FXYD6: variants seen among roughly 807,000 people sequenced by gnomAD.
The protein encoded by FXYD6 is FXYD domain containing ion transport regulator 6.
In FXYD6, 7 loss-of-function variants were observed where a neutral mutation model predicts 16.7. The observed-to-expected ratio is 0.42, with a 90% CI of 0.24 to 0.79. FXYD6 has a LOEUF of 0.79. Ranked by LOEUF, FXYD6 falls within the 30% of genes least tolerant of loss-of-function variation. The probability of loss-of-function intolerance (pLI) is 0.28; values close to 1 mark genes in which losing one functional copy is unlikely to be tolerated. For missense variants in FXYD6, 111 were observed against 116.2 expected, an observed-to-expected ratio of 0.95 and a Z score of 0.21; for synonymous variants, 49 against 43.0, an observed-to-expected ratio of 1.14 and a Z score of -0.54.
At chr11:117,860,655 G>T (rs1262534728) in intron 1 of FXYD6, among the ~76,000 whole-genome samples, 6 of 152,218 alleles carry the variant, frequency 3.9e-5, no homozygotes, top group Admixed American at 3.3e-4. Context: ...CGCAGAATCA[G>T]TGCAGAATCT....
intron 1 of FXYD6, among the ~76,000 whole-genome samples, chr11:117,854,970 C>A (rs541323437): frequency 1.3e-5 from 2 of 152,212 alleles, no homozygotes; most frequent in Non-Finnish European, 1.5e-5. Context: ...CAACAGGAGA[C>A]GGCCTTCATC....
At chr11:117,876,243 C>G (rs1364452494) in intron 1 of FXYD6, among the ~76,000 whole-genome samples, 1 of 152,174 alleles carries the variant, frequency 6.6e-6, no homozygotes, top group Non-Finnish European at 1.5e-5. Context: ...GGGAAAACTC[C>G]TCATGGATAA....
intron 1 of FXYD6, among the ~76,000 whole-genome samples, chr11:117,863,623 C>A (rs1287113647): frequency 6.6e-6 from 1 of 152,072 alleles, no homozygotes; most frequent in Non-Finnish European, 1.5e-5. Context: ...AGCAACTATG[C>A]AAAATAAACA....
At chr11:117,871,296 G>T (rs963844371) in intron 1 of FXYD6, among the ~76,000 whole-genome samples, 2 of 152,170 alleles carry the variant, frequency 1.3e-5, no homozygotes, top group African/African-American at 4.8e-5. Flanking sequence ...GAGACAGCCG[G>T]GAAGGGCGAC....
At chr11:117,871,229 C>T (rs193108928) in intron 1 of FXYD6, among the ~76,000 whole-genome samples, 7 of 152,134 alleles carry the variant, frequency 4.6e-5, no homozygotes, top group South Asian at 2.1e-4. Context: ...ACTGAGGTGA[C>T]GCACGGTAAT....
rs2056329169 is a variant in FXYD6, at chr11:117,841,079, ACACACCAGGGG to A, written c.209+58_209+68del. 1.3e-5 allele frequency: 20 copies of A among 1,593,994 alleles called. No homozygotes were observed. In the South Asian group the frequency reaches 1.9e-4, roughly 15 times the overall value. ...CCAAGAGAATGCCCATTTGGGGGTC[ACACACCAGGGG>A]TCCCTTCCTGTCCCACCTAGTATCA... is the stretch of plus-strand genomic sequence containing the variant. On this transcript the variant is annotated intron_variant, in intron 5 of 7. Transcript: ENST00000526014.
chr11:117,865,677 G>T (rs2056997911), intron 1 of FXYD6, among the ~76,000 whole-genome samples: 1 of 151,990 alleles, frequency 6.6e-6, no homozygotes, highest in Non-Finnish European at 1.5e-5. Context: ...TGTAATCCCA[G>T]CACTTTGGGA....
intron 4 of FXYD6, 96 bp from the exon 5 acceptor site, chr11:117,841,280 C>T (rs1297645786): frequency 1.9e-6 from 3 of 1,549,486 alleles, no homozygotes; most frequent in Non-Finnish European, 2.7e-6. Flanking sequence ...AAATGGCACC[C>T]CCTAGACCTG....
chr11:117,875,369 G>A (rs1181450403), intron 1 of FXYD6, among the ~76,000 whole-genome samples: 1 of 152,004 alleles, frequency 6.6e-6, no homozygotes, highest in Non-Finnish European at 1.5e-5. Flanking sequence ...GTAGGAGCCA[G>A]ATATCTAGGT....
intron 1 of FXYD6, among the ~76,000 whole-genome samples, chr11:117,859,834 G>T (rs1201675910): frequency 6.6e-6 from 1 of 152,126 alleles, no homozygotes; most frequent in Non-Finnish European, 1.5e-5. Flanking sequence ...ATAATTTTTA[G>T]TCCGGAGCTT....
rs141849844 is a variant in FXYD6 at position 117,860,182 on chromosome 11, G to A, written c.-6+16410C>T. On this transcript the variant is annotated intron_variant, in intron 1 of 7. Coordinates refer to ENST00000526014, the MANE Select transcript of FXYD6 (RefSeq NM_022003.4). ...TTCCTGCTATGAGTAGGTTTCCTTCGATCCCAGAGCCAGCCCCAAACTCCA... is the reference window on the plus strand; with the variant it reads ...TTCCTGCTATGAGTAGGTTTCCTTCAATCCCAGAGCCAGCCCCAAACTCCA... Among the ~76,000 whole-genome samples, 478 of 152,182 alleles carry A rather than the reference G, an allele frequency of 3.1e-3. 2 individuals are homozygous for A. Among genetic ancestry groups the A allele is most frequent in the African/African-American group, 0.011 (450 of 41,522 alleles).
At chr11:117,876,343 C>G (rs1591603872) in intron 1 of FXYD6, among the ~76,000 whole-genome samples, 1 of 152,216 alleles carries the variant, frequency 6.6e-6, no homozygotes, top group South Asian at 2.1e-4. Context: ...ACCAGCGTCA[C>G]CCCCAGCGCC....
Position 117,870,713 on chromosome 11 carries a change from C to T in FXYD6, c.-6+5879G>A, listed in dbSNP as rs2057116372. 6.6e-6 allele frequency among the ~76,000 whole-genome samples: 1 copy of T among 152,188 alleles called. No individual in the cohort carries two copies. On this transcript the variant is annotated intron_variant, in intron 1 of 7. Transcript: ENST00000526014. This position sits in a 1 kb window ranked among gnomAD's most constrained non-coding sequence, Gnocchi z 4.2. ...TGTGCCCTGCCTTTAGAGGAGGGGG[C>T]TGTTGACCTGACTCTGTCTCTGTTT...
chr11:117,845,019 G>A (rs2134144065), intron 1 of FXYD6, among the ~76,000 whole-genome samples: 1 of 152,294 alleles, frequency 6.6e-6, no homozygotes, highest in South Asian at 2.1e-4. Flanking sequence ...ACATCAGGAA[G>A]TTTGCCATCT....
intron 1 of FXYD6, among the ~76,000 whole-genome samples, chr11:117,852,240 A>G (rs1414946628): frequency 6.6e-6 from 1 of 152,238 alleles, no homozygotes; most frequent in East Asian, 1.9e-4. Flanking sequence ...GTAGTTCGGT[A>G]TGATGCTGAA....
chr11:117,841,960 A>C (rs372562420), intron 3 of FXYD6, 30 bp downstream of exon 3: 22 of 1,613,738 alleles, frequency 1.4e-5, no homozygotes, highest in Non-Finnish European at 1.7e-6. Flanking sequence ...ATTCCCCCTG[A>C]CCCCTGCACC....
At chr11:117,844,588 G>A (rs957671222) in intron 1 of FXYD6, among the ~76,000 whole-genome samples, 2 of 151,932 alleles carry the variant, frequency 1.3e-5, no homozygotes, top group Non-Finnish European at 2.9e-5. Flanking sequence ...TCCACCTCCC[G>A]GGTTCAAACG....
intron 1 of FXYD6, among the ~76,000 whole-genome samples, chr11:117,860,587 C>CTACGGCTACGGAAAAAAA (rs2056883056): frequency 6.6e-6 from 1 of 152,214 alleles, no homozygotes; most frequent in African/African-American, 2.4e-5. Flanking sequence ...TTTTTAAAAA[C>CTACGGCTACGGAAAAAAA]AGGCTACGGA....
At chr11:117,875,545 A>C (rs2057239347) in intron 1 of FXYD6, among the ~76,000 whole-genome samples, 1 of 152,146 alleles carries the variant, frequency 6.6e-6, no homozygotes, top group Non-Finnish European at 1.5e-5. Context: ...GGACGTAGAC[A>C]TACACATCCA....
Sources: allele counts gnomAD v4.1 joint callset (sites outside exome capture counted in the v4.1 genomes callset), GRCh38; gene constraint gnomAD v4.1.1; non-coding constraint Gnocchi (gnomAD v3.1); transcripts MANE v1.5; gene names NCBI Gene and HGNC (gene_info 2026-07-23, HGNC 2026-07-21).